The following UBE2W variants were observed in gnomAD, a reference collection of about 807,000 sequenced individuals.
UBE2W encodes the protein ubiquitin conjugating enzyme E2 W.
UBE2W carries 18 observed loss-of-function variants against 27.2 expected under a neutral mutation model. That is an observed-to-expected ratio of 0.66 (90% confidence interval 0.46 to 0.98). The LOEUF (loss-of-function observed/expected upper bound fraction) is 0.98, where lower values mean the gene tolerates loss of function less well. Among genes scored for constraint, UBE2W ranks in the 50% least tolerant of loss-of-function variants. UBE2W has a pLI of 0.00. For missense variants in UBE2W, 90 were observed against 180.2 expected (o/e 0.50, Z 2.87); for synonymous variants, 53 against 57.2 (o/e 0.93, Z 0.33).
intron 1 of UBE2W, among the ~76,000 whole-genome samples, chr8:73,836,380 A>G (rs1039885709): frequency 6.6e-6 from 1 of 152,242 alleles, no homozygotes; most frequent in African/African-American, 2.4e-5. Flanking sequence ...TTCACAAATA[A>G]AACATTTTTT....
rs1433555905 is a variant in UBE2W, at chr8:73,878,713, C to T, written c.15+95G>A. 3.5e-6 allele frequency: 4 copies of T among 1,157,442 alleles called. No homozygotes were observed. The South Asian group carries it at 4.0e-5, about 11-fold the overall frequency. 71.7% of individuals were successfully genotyped at this position (1,157,442 alleles called of 1,614,324 possible). On this transcript the variant is annotated intron_variant, in intron 1 of 5. Coordinates refer to ENST00000602593, the MANE Select transcript of UBE2W (RefSeq NM_018299.6). Reference sequence around the variant, plus strand: ...CACCCGGACCGATCCCGAACCCGCCCGGGTGTCCCCGAATCGCGGACGCCA... The same window carrying T: ...CACCCGGACCGATCCCGAACCCGCCTGGGTGTCCCCGAATCGCGGACGCCA...
chr8:73,824,398 G>A (rs1250794397), intron 3 of UBE2W, among the ~76,000 whole-genome samples: 1 of 152,184 alleles, frequency 6.6e-6, no homozygotes, highest in Non-Finnish European at 1.5e-5. Context: ...TGCCCTTCCT[G>A]TACTAAAAGG....
At chr8:73,840,241 A>G (rs1810483910) in intron 1 of UBE2W, among the ~76,000 whole-genome samples, 3 of 151,736 alleles carry the variant, frequency 2.0e-5, no homozygotes, top group African/African-American at 7.3e-5. Context: ...TATTTTTAGT[A>G]GAGACAGGGT....
intron 1 of UBE2W, among the ~76,000 whole-genome samples, chr8:73,854,622 A>C (rs1242022726): frequency 6.6e-6 from 1 of 152,220 alleles, no homozygotes; most frequent in Non-Finnish European, 1.5e-5. Flanking sequence ...CAGATGGATA[A>C]AATTGGTACC....
intron 1 of UBE2W, among the ~76,000 whole-genome samples, chr8:73,850,366 C>T (rs953441091): frequency 6.6e-6 from 1 of 151,960 alleles, no homozygotes; most frequent in African/African-American, 2.4e-5. Context: ...CATGCCATAA[C>T]CTAGCACTTG....
chr8:73,810,110 GA>G (rs1469766932), intron 4 of UBE2W, among the ~76,000 whole-genome samples: 9 of 152,116 alleles, frequency 5.9e-5, no homozygotes, highest in Non-Finnish European at 1.3e-4. Context: ...AGGGGAGAAG[GA>G]AGCTATGATG....
chr8:73,796,617 C>G (rs937895288), intron 5 of UBE2W: 1 of 983,138 alleles, frequency 1.0e-6, no homozygotes, highest in Non-Finnish European at 1.2e-6. Flanking sequence ...CTTTGAATAC[C>G]CTCGTTTTGA....
intron 1 of UBE2W, among the ~76,000 whole-genome samples, chr8:73,861,308 A>G (rs1323063340): frequency 2.0e-5 from 3 of 152,164 alleles, no homozygotes; most frequent in South Asian, 2.1e-4. Flanking sequence ...TAGTGAACTG[A>G]TAAGTTCAGC....
At chr8:73,850,655 T>C (rs1252735960) in intron 1 of UBE2W, among the ~76,000 whole-genome samples, 1 of 134,964 alleles carries the variant, frequency 7.4e-6, no homozygotes, top group Non-Finnish European at 1.6e-5. Context: ...AAATAAAGGA[T>C]TACAAACATA....
chr8:73,791,806 T>TA lies in UBE2W; in HGVS notation c.*2295dup. On this transcript the variant is annotated 3_prime_UTR_variant, in exon 6 of 6. Transcript: ENST00000602593. The stretch of plus-strand genomic sequence containing the variant: ...TTTAAACCATAAGATGTACCGAAAT[T>TA]ATTTCATTTTCCTCTACTTTCCTCT... The TA allele has an allele frequency of 3.0e-6, 3 of 984,764 alleles. No homozygotes were observed. The highest frequency in any genetic ancestry group is 3.6e-6 in the Non-Finnish European group (3 of 829,350). The allele number at this position is 984,764 out of a possible 1,614,324, so 61.0% of individuals were successfully genotyped here.
chr8:73,792,029 G>C lies in UBE2W; in HGVS notation c.*2073C>G, dbSNP rs1157171570. Reference sequence around the variant, plus strand: ...TCTTTATAAAAGCATTTTGGTAAGAGAACCAGCAATATGGAGACAGATTTC... The same window carrying C: ...TCTTTATAAAAGCATTTTGGTAAGACAACCAGCAATATGGAGACAGATTTC... On this transcript the variant is annotated 3_prime_UTR_variant, in exon 6 of 6. Coordinates refer to ENST00000602593, the MANE Select transcript of UBE2W (RefSeq NM_018299.6). 2 of 985,134 alleles carry C rather than the reference G, an allele frequency of 2.0e-6. No individual in the cohort carries two copies. The highest frequency in any genetic ancestry group is 1.7e-5 in the African/African-American group (1 of 57,214). 61.0% of individuals were successfully genotyped at this position (985,134 alleles called of 1,614,324 possible). A position where few individuals can be genotyped will look rare whatever the true frequency, so the allele number is the denominator to read the frequency against.
At chr8:73,780,668 C>T (rs1425113267) in intron 4 of UBE2W, among the ~76,000 whole-genome samples, 4 of 152,014 alleles carry the variant, frequency 2.6e-5, no homozygotes, top group African/African-American at 9.7e-5. Flanking sequence ...CTACAGGTGA[C>T]ACCACCACAT....
Position 73,846,185 on chromosome 8 carries a change from C to T in UBE2W, c.16-15713G>A, listed in dbSNP as rs554494484. Reference sequence around the variant, plus strand: ...GGTAGATCACCTGAGGTCAGGAGTTCGAGACCAGCAGGACCAACATGACCA... The same window carrying T: ...GGTAGATCACCTGAGGTCAGGAGTTTGAGACCAGCAGGACCAACATGACCA... On this transcript the variant is annotated intron_variant, in intron 1 of 5. Coordinates refer to ENST00000602593, the MANE Select transcript of UBE2W (RefSeq NM_018299.6). Among the ~76,000 whole-genome samples, 7 of 152,022 alleles carry T rather than the reference C, an allele frequency of 4.6e-5. 1 individual carries two copies. The South Asian group carries it at 1.2e-3, about 27-fold the overall frequency.
chr8:73,864,750 T>TTGGGGGG (rs1475765458), intron 1 of UBE2W, among the ~76,000 whole-genome samples: 1 of 88,550 alleles, frequency 1.1e-5, no homozygotes, highest in Non-Finnish European at 2.0e-5. Context: ...CAAATTTTTT[T>TTGGGGGG]GGGGGGGGGG....
chr8:73,794,202 A>G, intron 5 of UBE2W, 87 bp from the exon 6 acceptor site: 1 of 1,491,224 alleles, frequency 6.7e-7, no homozygotes. Context: ...AAATAATTTC[A>G]ATTAGCAAGA....
Position 73,789,307 on chromosome 8 carries a change from TA to T in UBE2W, c.*4794del, listed in dbSNP as rs10652083. 176 of 40,032 alleles carry T rather than the reference TA, an allele frequency of 4.4e-3. No individual in the cohort carries two copies. The highest frequency in any genetic ancestry group is 9.2e-3 in the East Asian group (8 of 866). The allele number at this position is 40,032 out of a possible 1,614,324, so 2.5% of individuals were successfully genotyped here. ...GCAACATGGTGAGACCTCGTGTCTT[TA>T]AAAAAAAAAAAAAAAAAAAAAAAAA... On this transcript the variant is annotated 3_prime_UTR_variant, in exon 6 of 6. Coordinates refer to ENST00000602593, the MANE Select transcript of UBE2W (RefSeq NM_018299.6).
chr8:73,800,267 T>TCC (rs893172984), intron 5 of UBE2W, among the ~76,000 whole-genome samples: 2 of 152,226 alleles, frequency 1.3e-5, no homozygotes, highest in Non-Finnish European at 2.9e-5. Context: ...AACAAATATT[T>TCC]CCATTCCTTG....
Position 73,805,472 on chromosome 8 carries a change from C to CAAAAAAAAAAACAAACAAAAA in UBE2W, c.442+178_442+179insTTTTTGTTTGTTTTTTTTTTT. Among the ~76,000 whole-genome samples, 44 of 43,698 alleles carry CAAAAAAAAAAACAAACAAAAA rather than the reference C, an allele frequency of 1.0e-3. 5 individuals carry two copies. The highest frequency in any genetic ancestry group is 1.8e-3 in the Non-Finnish European group (37 of 20,124). 28.7% of individuals were successfully genotyped at this position (43,698 alleles called of 152,430 possible). A position where few individuals can be genotyped will look rare whatever the true frequency, so the allele number is the denominator to read the frequency against. On this transcript the variant is annotated intron_variant, in intron 5 of 5. Transcript: ENST00000602593. ...TCCATCTCAAAAAAAAAAAAAAAAA[C>CAAAAAAAAAAACAAACAAAAA]AAAAAAAACTAGGGTAATTCATCCA...
chr8:73,878,670 A>G, intron 1 of UBE2W, 138 bp downstream of exon 1: 2 of 736,980 alleles, frequency 2.7e-6, no homozygotes, highest in Non-Finnish European at 4.7e-6. Flanking sequence ...CGACGCCCTG[A>G]GCTGAGGGAA....
Sources: allele counts gnomAD v4.1 joint callset (sites outside exome capture counted in the v4.1 genomes callset), GRCh38; gene constraint gnomAD v4.1.1; transcripts MANE v1.5; gene names NCBI Gene and HGNC (gene_info 2026-07-23, HGNC 2026-07-21).